CHRM3: variants seen among roughly 807,000 people sequenced by gnomAD.
CHRM3 encodes the protein muscarinic acetylcholine receptor M3.
In CHRM3, 11 loss-of-function variants were observed where a neutral mutation model predicts 41.8. The observed-to-expected ratio is 0.26, with a 90% CI of 0.17 to 0.44. The LOEUF is 0.44. Ranked by LOEUF, CHRM3 falls within the 20% of genes least tolerant of loss-of-function variation. The pLI is 1.00. For synonymous variants in CHRM3, 297 were observed against 301.4 expected, an observed-to-expected ratio of 0.99 and a Z score of 0.15; for missense variants, 571 against 745.4, an observed-to-expected ratio of 0.77 and a Z score of 2.72.
chr1:239,619,671 T>C (rs898213912), intron 3 of CHRM3, among the ~76,000 whole-genome samples: 1 of 152,204 alleles, frequency 6.6e-6, no homozygotes, highest in African/African-American at 2.4e-5. Flanking sequence ...GAATCAAAAC[T>C]ACAGGTACAT....
intron 5 of CHRM3, among the ~76,000 whole-genome samples, chr1:239,803,669 C>T (rs982295916): frequency 1.1e-4 from 16 of 152,154 alleles, no homozygotes; most frequent in African/African-American, 3.1e-4. Flanking sequence ...TGAAGATCAC[C>T]TTTTCCCCTT....
chr1:239,878,870 T>A (rs991404499), intron 6 of CHRM3, among the ~76,000 whole-genome samples: 1 of 152,148 alleles, frequency 6.6e-6, no homozygotes, highest in African/African-American at 2.4e-5. Flanking sequence ...CACCCCTAAT[T>A]CAGCCTGAGG....
chr1:239,643,266 G>A (rs1671394962), intron 4 of CHRM3, among the ~76,000 whole-genome samples: 1 of 152,216 alleles, frequency 6.6e-6, no homozygotes, highest in African/African-American at 2.4e-5. Flanking sequence ...ATCTCCAGCT[G>A]CATGCTGGGA....
chr1:239,839,808 G>T (rs545842917), intron 6 of CHRM3, among the ~76,000 whole-genome samples: 5 of 149,446 alleles, frequency 3.3e-5, no homozygotes, highest in Admixed American at 2.0e-4. Flanking sequence ...GGCGGGGGGG[G>T]AGCGGGGAAG....
chr1:239,899,990 G>A (rs1679388936), intron 6 of CHRM3: 1 of 152,192 alleles, frequency 6.6e-6, no homozygotes, highest in Non-Finnish European at 1.5e-5. Flanking sequence ...CTTATAAAGT[G>A]CGAAGGTCAC....
intron 6 of CHRM3, among the ~76,000 whole-genome samples, chr1:239,874,735 G>T (rs2149341272): frequency 6.6e-6 from 1 of 150,774 alleles, no homozygotes; most frequent in East Asian, 2.0e-4. Context: ...ACTTGCTCTT[G>T]TTGCCCAGGC....
intron 1 of CHRM3, among the ~76,000 whole-genome samples, chr1:239,441,124 A>G (rs1663682843): frequency 1.3e-5 from 2 of 152,196 alleles, no homozygotes; most frequent in Admixed American, 1.3e-4. Flanking sequence ...TAAAATTCTA[A>G]AACTATTGGC....
rs188729628 is a variant in CHRM3 at position 239,541,016 on chromosome 1, C to A, written c.-421-4625C>A. 1.8e-4 allele frequency among the ~76,000 whole-genome samples: 27 copies of A among 152,186 alleles called. No homozygotes were observed. The East Asian group carries it at 4.1e-3, about 23-fold the overall frequency. On this transcript the variant is annotated intron_variant, in intron 2 of 6. Coordinates refer to ENST00000676153, the MANE Select transcript of CHRM3 (RefSeq NM_001375978.1). ...TGCATAGATTTAAGAACTCGGTGTA[C>A]AACAGGTCCTTGAATAATTTTGTTT...
At chr1:239,514,155 G>T (rs577315009) in intron 2 of CHRM3, among the ~76,000 whole-genome samples, 6 of 152,156 alleles carry the variant, frequency 3.9e-5, no homozygotes, top group Admixed American at 3.3e-4. Flanking sequence ...AATCAAGTTT[G>T]CCAGTATTAT....
chr1:239,908,597 G>A lies in CHRM3; in HGVS notation c.1146G>A (p.Lys382=). 1 of 1,602,988 alleles carries A rather than the reference G, an allele frequency of 6.2e-7. No homozygotes were observed. Among genetic ancestry groups the A allele is most frequent in the Non-Finnish European group, 8.5e-7 (1 of 1,174,728 alleles). ...PGHSTILNST[K]LPSSDNLQVP... ...ACAGCACCATCCTCAACTCCACCAA[G>A]TTACCCTCATCGGACAACCTGCAGG... The change falls in exon 7 of 7, where the codon AAG becomes AAA. Residue 382 remains lysine, a synonymous_variant. Coordinates refer to ENST00000676153, the MANE Select transcript of CHRM3 (RefSeq NM_001375978.1). This position sits in a 1 kb window ranked among gnomAD's most constrained non-coding sequence, Gnocchi z 7.2.
chr1:239,574,133 G>C (rs935982312), intron 3 of CHRM3, among the ~76,000 whole-genome samples: 1 of 152,092 alleles, frequency 6.6e-6, no homozygotes, highest in African/African-American at 2.4e-5. Flanking sequence ...AGAGATATTT[G>C]TCTGTGTTTC....
At chr1:239,511,312 G>A (rs1668903050) in intron 2 of CHRM3, among the ~76,000 whole-genome samples, 1 of 152,120 alleles carries the variant, frequency 6.6e-6, no homozygotes, top group Non-Finnish European at 1.5e-5. Context: ...ACTGGTTATT[G>A]TTTCCAGTTT....
intron 5 of CHRM3, among the ~76,000 whole-genome samples, chr1:239,714,990 C>G (rs912704055): frequency 6.6e-6 from 1 of 151,826 alleles, no homozygotes; most frequent in African/African-American, 2.4e-5. Context: ...TGAAAAGAAC[C>G]CAGAAAAGAA....
chr1:239,797,162 G>A (rs1669844844), intron 5 of CHRM3, among the ~76,000 whole-genome samples: 1 of 152,174 alleles, frequency 6.6e-6, no homozygotes, highest in Non-Finnish European at 1.5e-5. Flanking sequence ...TGTACTCATG[G>A]ACATAAAGAT....
chr1:239,445,368 T>A lies in CHRM3; in HGVS notation c.-520-47341T>A, dbSNP rs557066592. Reference sequence around the variant, plus strand: ...ATATATGGAACTTAACAGAGAGTGATCAGCCGTGTGGCAGAGAAGTTTCAG... The same window carrying A: ...ATATATGGAACTTAACAGAGAGTGAACAGCCGTGTGGCAGAGAAGTTTCAG... On this transcript the variant is annotated intron_variant, in intron 1 of 6. Coordinates refer to ENST00000676153, the MANE Select transcript of CHRM3 (RefSeq NM_001375978.1). Among the ~76,000 whole-genome samples the A allele has an allele frequency of 2.0e-5, 3 of 152,286 alleles. No homozygotes were observed. In the South Asian group the frequency reaches 6.2e-4, roughly 32 times the overall value.
chr1:239,393,631 G>T (rs539748476), intron 1 of CHRM3, among the ~76,000 whole-genome samples: 3 of 152,118 alleles, frequency 2.0e-5, no homozygotes, highest in Non-Finnish European at 4.4e-5. Context: ...TTCCTTGAGC[G>T]CAGCTATCAT....
intron 4 of CHRM3, among the ~76,000 whole-genome samples, chr1:239,675,112 C>G (rs962578466): frequency 6.0e-4 from 91 of 152,294 alleles, no homozygotes; most frequent in Non-Finnish European, 8.5e-4. Context: ...GAAACCTGAT[C>G]TCTCAATAGC....
At chr1:239,728,372 C>G (rs1007346164) in intron 5 of CHRM3, among the ~76,000 whole-genome samples, 5 of 151,950 alleles carry the variant, frequency 3.3e-5, no homozygotes, top group African/African-American at 1.2e-4. Flanking sequence ...CTGTAACCAA[C>G]TCTCTGATAA....
chr1:239,576,590 A>AGG (rs200174348), intron 3 of CHRM3, among the ~76,000 whole-genome samples: 1 of 115,546 alleles, frequency 8.7e-6, no homozygotes, highest in African/African-American at 2.8e-5. Context: ...ACACACACAC[A>AGG]CACGCACACA....
Sources: gnomAD v4.1 joint callset for allele counts (sites outside exome capture counted in the v4.1 genomes callset) on GRCh38, gnomAD v4.1.1 for gene constraint, Gnocchi (gnomAD v3.1) non-coding constraint, MANE v1.5 for transcripts, NCBI Gene and HGNC (gene_info 2026-07-23, HGNC 2026-07-21) for gene names.